The following BMP7 variants were observed in gnomAD, a reference collection of about 807,000 sequenced individuals.
BMP7 encodes osteogenic protein 1.
A neutral mutation model predicts 41.2 loss-of-function variants in BMP7; 12 were observed. The observed-to-expected ratio is 0.29, with a 90% confidence interval of 0.19 to 0.47. The LOEUF is 0.47. Ranked by LOEUF, BMP7 falls within the 20% of genes least tolerant of loss-of-function variation. The pLI, the probability that BMP7 is intolerant of heterozygous loss-of-function variation, is 0.99. For missense variants in BMP7, 467 were observed against 606.0 expected (o/e 0.77, Z 2.41); for synonymous variants, 248 against 250.0 (o/e 0.99, Z 0.07).
At chr20:57,216,488 GCGCTGTCTCCTGA>G (rs1985021820) in intron 2 of BMP7, among the ~76,000 whole-genome samples, 2 of 151,564 alleles carry the variant, frequency 1.3e-5, no homozygotes, top group African/African-American at 4.9e-5. Context: ...GAGGACGAGG[GCGCTGTCTCCTGA>G]GGGCGAGGGG....
intron 2 of BMP7, among the ~76,000 whole-genome samples, chr20:57,216,490 G>A (rs140221651): frequency 1.7e-4 from 25 of 149,960 alleles, no homozygotes; most frequent in Admixed American, 5.3e-4. Context: ...GGACGAGGGC[G>A]CTGTCTCCTG....
intron 4 of BMP7, among the ~76,000 whole-genome samples, chr20:57,183,138 G>A (rs900380893): frequency 6.6e-6 from 1 of 152,100 alleles, no homozygotes; most frequent in Non-Finnish European, 1.5e-5. Flanking sequence ...GGGAGGCTGA[G>A]GCTGAAGAAT....
At chr20:57,235,008 C>T (rs543845838) in intron 1 of BMP7, among the ~76,000 whole-genome samples, 4 of 152,266 alleles carry the variant, frequency 2.6e-5, no homozygotes, top group Non-Finnish European at 4.4e-5. Flanking sequence ...GCTCCGAAGT[C>T]GTCCCGACAG....
At chr20:57,223,332 AC>A (rs1281498242) in intron 2 of BMP7, among the ~76,000 whole-genome samples, 3 of 152,206 alleles carry the variant, frequency 2.0e-5, no homozygotes, top group Non-Finnish European at 4.4e-5. Context: ...ACACCCCAGC[AC>A]ACAGGGAATC....
At chr20:57,198,408 A>G (rs1984551681) in intron 3 of BMP7, among the ~76,000 whole-genome samples, 2 of 152,086 alleles carry the variant, frequency 1.3e-5, no homozygotes, top group Admixed American at 1.3e-4. Flanking sequence ...TCTCTTCTGT[A>G]TTAAGGGAAA....
intron 1 of BMP7, among the ~76,000 whole-genome samples, chr20:57,256,207 A>G (rs893796831): frequency 1.3e-5 from 2 of 152,214 alleles, no homozygotes; most frequent in African/African-American, 4.8e-5. Context: ...ATATATTACA[A>G]TTATAATTGT....
intron 1 of BMP7, among the ~76,000 whole-genome samples, chr20:57,238,146 C>A (rs2066054713): frequency 6.6e-6 from 1 of 152,164 alleles, no homozygotes; most frequent in Non-Finnish European, 1.5e-5. Context: ...CAGGCACCCA[C>A]CCTTCTACTT....
intron 3 of BMP7, among the ~76,000 whole-genome samples, chr20:57,194,519 C>T (rs1984447926): frequency 6.6e-6 from 1 of 152,198 alleles, no homozygotes. Context: ...TGACTCTAAC[C>T]AACCCTAGAT....
chr20:57,187,419 G>T (rs768110400), intron 3 of BMP7, among the ~76,000 whole-genome samples: 42 of 152,174 alleles, frequency 2.8e-4, no homozygotes, highest in Non-Finnish European at 5.0e-4. Flanking sequence ...TTAATAAAAG[G>T]CAACTAATCC....
chr20:57,183,412 C>T (rs566895055), intron 4 of BMP7, among the ~76,000 whole-genome samples: 3 of 13,038 alleles, frequency 2.3e-4, no homozygotes, highest in South Asian at 4.9e-3. Context: ...TCTTCCCATC[C>T]ACGTTTCAGG....
intron 1 of BMP7, among the ~76,000 whole-genome samples, chr20:57,230,411 G>A (rs1488616282): frequency 1.3e-5 from 2 of 151,948 alleles, no homozygotes; most frequent in African/African-American, 2.4e-5. Flanking sequence ...GACTGCCCCC[G>A]GCCAGTCCTC....
In BMP7 at chr20:57,266,305, C is replaced by T. The variant is rs767252277; in HGVS notation, c.-183G>A. 4.3e-4 allele frequency: 182 copies of T among 420,202 alleles called. 3 individuals carry two copies. Among genetic ancestry groups the T allele is most frequent in the Non-Finnish European group, 6.5e-4 (173 of 266,132 alleles). The allele number at this position is 420,202 out of a possible 1,614,324, so 26.0% of individuals were successfully genotyped here. A position where few individuals can be genotyped will look rare whatever the true frequency, so the allele number is the denominator to read the frequency against. On this transcript the variant is annotated 5_prime_UTR_variant, in exon 1 of 7. Transcript: ENST00000395863. ...TCTGCCCGGACCCCCGCCCCCTGCT[C>T]GGTGCTGGCCCCGGGCCCCTCGCCC...
At chr20:57,218,558 A>AGTAGTAGCTGGTGTTTG (rs1398549165) in intron 2 of BMP7, among the ~76,000 whole-genome samples, 2 of 124,798 alleles carry the variant, frequency 1.6e-5, no homozygotes, top group Admixed American at 1.7e-4. Flanking sequence ...GGTGTTTTGT[A>AGTAGTAGCTGGTGTTTG]GTAGTAGCTG....
rs766439939 is a variant in BMP7 at position 57,237,815 on chromosome 20, G to C, written c.419-9394C>G. ...CAACAAGGACTTTCTGGCTGCCCCA[G>C]CATGGACGTGAGAGCCGTCAGTTGT... On this transcript the variant is annotated intron_variant, in intron 1 of 6. Transcript: ENST00000395863. Among the ~76,000 whole-genome samples the C allele has an allele frequency of 4.5e-3, 686 of 152,324 alleles. 1 individual carries two copies. The highest frequency in any genetic ancestry group is 0.01 in the Admixed American group (157 of 15,296).
intron 3 of BMP7, among the ~76,000 whole-genome samples, chr20:57,189,969 G>C (rs1232976851): frequency 1.3e-5 from 2 of 152,194 alleles, no homozygotes; most frequent in Non-Finnish European, 2.9e-5. Flanking sequence ...CAGTGTACAG[G>C]GCAGAGTGAG....
intron 1 of BMP7, among the ~76,000 whole-genome samples, chr20:57,251,194 C>T (rs777438647): frequency 9.2e-5 from 14 of 152,208 alleles, no homozygotes; most frequent in Non-Finnish European, 1.5e-4. Context: ...CAGCCCTCTT[C>T]CTGTCTCCCC....
Position 57,183,800 on chromosome 20 carries a change from T to G in BMP7, c.880A>C (p.Thr294Pro). 6.2e-7 allele frequency: 1 copy of G among 1,614,192 alleles called. No homozygotes were observed. Among genetic ancestry groups the G allele is most frequent in the Non-Finnish European group, 8.5e-7 (1 of 1,180,036 alleles). Residue 294 changes from threonine (T) to proline (P), a missense_variant, in exon 4 of 7, where the codon ACG (threonine) becomes CCG (proline). Physicochemically the swap from Thr to Pro is conservative, Grantham distance 38. This residue lies in a region of BMP7 where 407 missense variants were observed against 485.9 expected (regional missense o/e 0.84). Transcript: ENST00000395863. ...TTCTGGCTGCGCTGTTTGCTCCCCG[T>G]GGACCGGATGCTGCGGAAGTGGACC... ...TEVHFRSIRSTGSKQRSQNRS... is the reference protein window; with the variant it reads ...TEVHFRSIRSPGSKQRSQNRS...
rs577161801 is a variant in BMP7, at chr20:57,213,062, A to G, written c.612-10439T>C. ...ATTAAAGCTTTGGGGAGTAAGGTGG[A>G]AAAATACACAAAGAGGCACAATATC... On this transcript the variant is annotated intron_variant, in intron 2 of 6. Transcript: ENST00000395863. The surrounding 1 kb of genome is among the most constrained non-coding windows in gnomAD (Gnocchi z 4.4). Among the ~76,000 whole-genome samples, 93 of 152,354 alleles carry G rather than the reference A, an allele frequency of 6.1e-4. No individual in the cohort carries two copies. Among genetic ancestry groups the G allele is most frequent in the African/African-American group, 2.1e-3 (88 of 41,582 alleles).
intron 1 of BMP7, among the ~76,000 whole-genome samples, chr20:57,265,082 TAAAC>T (rs1208755357): frequency 6.3e-5 from 8 of 126,832 alleles, no homozygotes; most frequent in Admixed American, 1.5e-4. Flanking sequence ...AAGAAAAAAA[TAAAC>T]AAAGAAAGAA....
Sources: gnomAD v4.1 joint callset for allele counts (sites outside exome capture counted in the v4.1 genomes callset) on GRCh38, gnomAD v4.1.1 for gene constraint, gnomAD v4.1.1 regional missense constraint, Gnocchi (gnomAD v3.1) non-coding constraint, MANE v1.5 for transcripts, NCBI Gene and HGNC (gene_info 2026-07-23, HGNC 2026-07-21) for gene names.